ANKMY2: variants seen among roughly 807,000 people sequenced by gnomAD.
The protein encoded by ANKMY2 is ankyrin repeat and MYND domain-containing protein 2.
ANKMY2 carries 36 observed loss-of-function variants against 50.4 expected under a neutral mutation model. The observed-to-expected ratio is 0.71, with a 90% CI of 0.55 to 0.94. ANKMY2 has a LOEUF of 0.94. Ranked by LOEUF, ANKMY2 falls within the 40% of genes least tolerant of loss-of-function variation. The probability of loss-of-function intolerance (pLI) is 0.00; values close to 1 mark genes in which losing one functional copy is unlikely to be tolerated. For missense variants in ANKMY2, 565 were observed against 524.0 expected (o/e 1.08, Z -0.76); for synonymous variants, 187 against 178.8 (o/e 1.05, Z -0.36).
intron 7 of ANKMY2, among the ~76,000 whole-genome samples, chr7:16,607,398 T>A (rs561057973): frequency 2.0e-4 from 30 of 152,066 alleles, no homozygotes; most frequent in African/African-American, 7.2e-4. Context: ...AAAACCCGTC[T>A]TTACTAAAAA....
intron 8 of ANKMY2, 45 bp from the exon 9 acceptor site, chr7:16,602,554 G>C: frequency 1.3e-6 from 2 of 1,585,844 alleles, no homozygotes; most frequent in Non-Finnish European, 1.7e-6. Flanking sequence ...AGCTTGGGTT[G>C]TATGATTTCC....
chr7:16,641,054 T>A (rs1359978121), intron 1 of ANKMY2, among the ~76,000 whole-genome samples: 2 of 152,140 alleles, frequency 1.3e-5, no homozygotes, highest in South Asian at 2.1e-4. Flanking sequence ...ATTTTAAAAG[T>A]GAAACCCCAT....
chr7:16,604,877 A>G (rs373553702), intron 7 of ANKMY2, 28 bp from the exon 8 acceptor site: 50 of 1,590,636 alleles, frequency 3.1e-5, no homozygotes, highest in Non-Finnish European at 4.0e-5. Context: ...AGGAGAAAAA[A>G]CAAATTCTGA....
At position 16,615,786 on chromosome 7, in the gene ANKMY2, CGGGCCTGCCAACTTTGGG is replaced by C. The variant is rs1781335726; in HGVS notation, c.471_488del (p.Pro158_Pro163del). The C allele has an allele frequency of 1.2e-6, 2 of 1,614,202 alleles. No homozygotes were observed. The highest frequency in any genetic ancestry group is 1.7e-6 in the Non-Finnish European group (2 of 1,180,030). On this transcript the variant is annotated inframe_deletion, in exon 5 of 10. Transcript: ENST00000306999. ...TCGTTGTGGTGATAATTTTGTGCAG[CGGGCCTGCCAACTTTGGG>C]GGCAGTTTTGGCTCTTTATCCAGTC...
intron 1 of ANKMY2, among the ~76,000 whole-genome samples, chr7:16,640,424 A>G (rs892777522): frequency 6.6e-6 from 1 of 152,234 alleles, no homozygotes; most frequent in Non-Finnish European, 1.5e-5. Flanking sequence ...TGCAGCCAAA[A>G]CAAACAGAAC....
intron 2 of ANKMY2, among the ~76,000 whole-genome samples, chr7:16,633,053 G>A (rs1781610361): frequency 6.6e-6 from 1 of 152,030 alleles, no homozygotes; most frequent in Non-Finnish European, 1.5e-5. Flanking sequence ...ATCTTCTTTG[G>A]AGCAATATCT....
intron 5 of ANKMY2, among the ~76,000 whole-genome samples, chr7:16,611,317 T>C (rs928612956): frequency 1.2e-4 from 18 of 152,214 alleles, no homozygotes; most frequent in African/African-American, 4.3e-4. Flanking sequence ...ATGCTTCCAA[T>C]CATCTACAGT....
intron 7 of ANKMY2, among the ~76,000 whole-genome samples, chr7:16,608,928 G>A (rs1271549668): frequency 6.6e-6 from 1 of 152,134 alleles, no homozygotes; most frequent in Admixed American, 6.5e-5. Context: ...TTGAACCTGG[G>A]AAATGGAGGT....
At chr7:16,611,326 G>A (rs1781246658) in intron 5 of ANKMY2, among the ~76,000 whole-genome samples, 1 of 152,148 alleles carries the variant, frequency 6.6e-6, no homozygotes, top group Non-Finnish European at 1.5e-5. Context: ...ATCATCTACA[G>A]TAATGAGAAC....
intron 1 of ANKMY2, among the ~76,000 whole-genome samples, chr7:16,636,963 A>G (rs572694157): frequency 1.2e-4 from 18 of 152,346 alleles, no homozygotes; most frequent in African/African-American, 4.3e-4. Context: ...GCCTAGTACT[A>G]CATTACAGTG....
rs6949109 is a variant in ANKMY2 at position 16,643,393 on chromosome 7, C to T, written c.67+2114G>A. ...AAACGTTGGCTATGGTTGTTTTTCT[C>T]ATATCTCCCATTACTTTTCTTTATG... On this transcript the variant is annotated intron_variant, in intron 1 of 9. Transcript: ENST00000306999. Among the ~76,000 whole-genome samples the T allele has an allele frequency of 7.4e-3, 1,133 of 152,306 alleles. 14 individuals carry two copies. The highest frequency in any genetic ancestry group is 0.026 in the African/African-American group (1,079 of 41,560).
chr7:16,639,977 T>C (rs563860709), intron 1 of ANKMY2, among the ~76,000 whole-genome samples: 112 of 151,688 alleles, frequency 7.4e-4, no homozygotes, highest in African/African-American at 2.6e-3. Context: ...CTGGCCAACA[T>C]GGTGAAACCC....
At chr7:16,612,330 T>C (rs1781268757) in intron 5 of ANKMY2, among the ~76,000 whole-genome samples, 1 of 152,230 alleles carries the variant, frequency 6.6e-6, no homozygotes, top group Admixed American at 6.5e-5. Flanking sequence ...TTAAACGAAT[T>C]TCACTTTTTG....
chr7:16,637,678 T>C (rs1024711081), intron 1 of ANKMY2, among the ~76,000 whole-genome samples: 2 of 152,230 alleles, frequency 1.3e-5, no homozygotes, highest in African/African-American at 4.8e-5. Flanking sequence ...TGAAACCTTA[T>C]TCGTATCTGT....
chr7:16,617,930 T>TTG (rs1554401586), intron 4 of ANKMY2, among the ~76,000 whole-genome samples: 8 of 136,246 alleles, frequency 5.9e-5, no homozygotes, highest in African/African-American at 2.0e-4. Context: ...TTTTTTTTTT[T>TTG]TTTTTTTTTT....
chr7:16,642,037 T>A (rs955032596), intron 1 of ANKMY2, among the ~76,000 whole-genome samples: 6 of 111,650 alleles, frequency 5.4e-5, no homozygotes, highest in African/African-American at 2.2e-4. Context: ...CTACCTGTAA[T>A]ATGTGCAATT....
chr7:16,612,022 C>G (rs893454177), intron 5 of ANKMY2, among the ~76,000 whole-genome samples: 1 of 152,188 alleles, frequency 6.6e-6, no homozygotes, highest in African/African-American at 2.4e-5. Context: ...GTCCACCTGT[C>G]TAATTCTTCC....
intron 2 of ANKMY2, among the ~76,000 whole-genome samples, chr7:16,627,644 C>A (rs1270100129): frequency 1.3e-5 from 2 of 152,098 alleles, no homozygotes; most frequent in Non-Finnish European, 2.9e-5. Context: ...ATCTACTGAA[C>A]TGGAACATTT....
At chr7:16,636,070 C>T (rs1399679828) in intron 2 of ANKMY2, among the ~76,000 whole-genome samples, 1 of 151,990 alleles carries the variant, frequency 6.6e-6, no homozygotes, top group African/African-American at 2.4e-5. Flanking sequence ...CTTTGGGAGG[C>T]CAAGGCAGGA....
Sources: gnomAD v4.1 joint callset for allele counts (sites outside exome capture counted in the v4.1 genomes callset) on GRCh38, gnomAD v4.1.1 for gene constraint, MANE v1.5 for transcripts, NCBI Gene and HGNC (gene_info 2026-07-23, HGNC 2026-07-21) for gene names.